The following GALT variants were observed in gnomAD, a reference collection of about 807,000 sequenced individuals.
GALT encodes the protein UDP-glucose--hexose-1-phosphate uridylyltransferase.
A neutral mutation model predicts 55.4 loss-of-function variants in GALT; 42 were observed. The observed-to-expected ratio is 0.76, with a 90% CI of 0.59 to 0.98. The LOEUF (loss-of-function observed/expected upper bound fraction) is 0.98. Among genes scored for constraint, GALT ranks in the 50% least tolerant of loss-of-function variants. GALT has a pLI of 0.00. For missense variants in GALT, 407 were observed against 495.7 expected, an observed-to-expected ratio of 0.82 and a Z score of 1.70; for synonymous variants, 154 against 181.5, an observed-to-expected ratio of 0.85 and a Z score of 1.22.
intron 10 of GALT, chr9:34,649,950 C>A: frequency 3.7e-6 from 1 of 272,606 alleles, no homozygotes; most frequent in Non-Finnish European, 7.0e-6. Flanking sequence ...TATTTCAAAC[C>A]ACAATATCCA....
chr9:34,648,750 C>T lies in GALT; in HGVS notation c.688-12C>T, dbSNP rs1223980780. 1.2e-6 allele frequency: 2 copies of T among 1,612,680 alleles called. No individual in the cohort carries two copies. The highest frequency in any genetic ancestry group is 1.7e-5 in the Admixed American group (1 of 60,002). On this transcript the variant is annotated splice_polypyrimidine_tract_variant and intron_variant, in intron 7 of 10. Transcript: ENST00000378842. The surrounding 1 kb of genome is among the most constrained non-coding windows in gnomAD (Gnocchi z 4.9). The stretch of plus-strand genomic sequence containing the variant: ...TCACCTTGATGACTTCCTATCCATT[C>T]TGTCTTCCTAGGAACGTCTGGTCCT...
At chr9:34,649,364 C>T (rs760523177) in intron 9 of GALT, 46 bp from the exon 10 acceptor site, 1 of 1,613,052 alleles carries the variant, frequency 6.2e-7, no homozygotes, top group Non-Finnish European at 8.5e-7. Context: ...ACCTGGATAA[C>T]TGTAAAAGGG....
chr9:34,647,600 G>A lies in GALT; in HGVS notation c.328+33G>A, dbSNP rs767197888. 1.2e-6 allele frequency: 2 copies of A among 1,613,968 alleles called. No homozygotes were observed. Among genetic ancestry groups the A allele is most frequent in the South Asian group, 1.1e-5 (1 of 91,066 alleles). On this transcript the variant is annotated intron_variant, in intron 3 of 10. Coordinates refer to ENST00000378842, the MANE Select transcript of GALT (RefSeq NM_000155.4). This position sits in a 1 kb window ranked among gnomAD's most constrained non-coding sequence, Gnocchi z 5.6. ...GGCTCCAACTGCTGCTGGGGAGGAGGGTGGCTAGACCTCTTGAGGGACTTC... is the reference window on the plus strand; with the variant it reads ...GGCTCCAACTGCTGCTGGGGAGGAGAGTGGCTAGACCTCTTGAGGGACTTC...
At position 34,647,859 on chromosome 9, in the gene GALT, G is replaced by C. The variant is rs141232328; in HGVS notation, c.405G>C (p.Ser135=). Residue 135 remains serine, a synonymous_variant, in exon 5 of 11, where the codon TCG becomes TCC. Transcript: ENST00000378842. This position sits in a 1 kb window ranked among gnomAD's most constrained non-coding sequence, Gnocchi z 5.6. ...AGGTCATGTGCTTCCACCCCTGGTCGGATGTAACGCTGCCACTCATGTCGG... is the reference window on the plus strand; with the variant it reads ...AGGTCATGTGCTTCCACCCCTGGTCCGATGTAACGCTGCCACTCATGTCGG... ...VCKVMCFHPW[S]DVTLPLMSVP... is the part of the protein sequence containing the mutation. 2 of 1,614,058 alleles carry C rather than the reference G, an allele frequency of 1.2e-6. No homozygotes were observed. Among genetic ancestry groups the C allele is most frequent in the Admixed American group, 3.3e-5 (2 of 60,002 alleles).
chr9:34,647,218 T>TC lies in GALT; in HGVS notation c.213dup (p.Asn72GlnfsTer20). 6.2e-7 allele frequency: 1 copy of TC among 1,614,146 alleles called. No individual in the cohort carries two copies. The highest frequency in any genetic ancestry group is 1.3e-5 in the African/African-American group (1 of 75,052). On this transcript the variant is annotated frameshift_variant, in exon 2 of 11. Transcript: ENST00000378842. LOFTEE classifies it high-confidence loss of function. The surrounding 1 kb of genome is among the most constrained non-coding windows in gnomAD (Gnocchi z 5.6). ...AAGACAGTGCCCCGCCATGACCCTC[T>TC]CAACCCTCTGTGTCCTGGGGCCATC... is the stretch of plus-strand genomic sequence containing the variant.
intron 10 of GALT, 52 bp downstream of exon 10, chr9:34,649,616 C>T: frequency 1.9e-6 from 3 of 1,595,386 alleles, no homozygotes; most frequent in Non-Finnish European, 2.6e-6. Context: ...GCAGTATGTG[C>T]AGGCACCTGA....
rs777929860 is a variant in GALT, at chr9:34,648,748, TTC to T, written c.688-12_688-11del. On this transcript the variant is annotated splice_polypyrimidine_tract_variant and intron_variant, in intron 7 of 10. Coordinates refer to ENST00000378842, the MANE Select transcript of GALT (RefSeq NM_000155.4). This position sits in a 1 kb window ranked among gnomAD's most constrained non-coding sequence, Gnocchi z 4.9. The stretch of plus-strand genomic sequence containing the variant: ...TGTCACCTTGATGACTTCCTATCCA[TTC>T]TGTCTTCCTAGGAACGTCTGGTCCT... 51 of 1,612,710 alleles carry T rather than the reference TTC, an allele frequency of 3.2e-5. 1 individual carries two copies. The South Asian group carries it at 4.8e-4, about 15-fold the overall frequency.
In GALT at chr9:34,648,860, G is replaced by T; in HGVS notation, c.786G>T (p.Arg262=). 1 of 1,613,214 alleles carries T rather than the reference G, an allele frequency of 6.2e-7. No individual in the cohort carries two copies. Among genetic ancestry groups the T allele is most frequent in the Non-Finnish European group, 8.5e-7 (1 of 1,180,022 alleles). ...TGCTGCTGCCCCGTCGGCATGTGCG[G>T]CGGCTACCTGAGCTGACCCCTGCTG... The part of the protein sequence containing the change: ...QTLLLPRRHV[R]RLPELTPAER... The change falls in exon 8 of 11, where the codon CGG becomes CGT. Residue 262 remains arginine, a synonymous_variant. Transcript: ENST00000378842. The surrounding 1 kb of genome is among the most constrained non-coding windows in gnomAD (Gnocchi z 4.9).
At position 34,647,071 on chromosome 9, in the gene GALT, T is replaced by C; in HGVS notation, c.83-18T>C. 1 of 1,614,094 alleles carries C rather than the reference T, an allele frequency of 6.2e-7. No homozygotes were observed. The highest frequency in any genetic ancestry group is 8.5e-7 in the Non-Finnish European group (1 of 1,180,028). On this transcript the variant is annotated intron_variant, in intron 1 of 10. Coordinates refer to ENST00000378842, the MANE Select transcript of GALT (RefSeq NM_000155.4). This position sits in a 1 kb window ranked among gnomAD's most constrained non-coding sequence, Gnocchi z 5.6. ...AGCTAGAGAGCTCTGAGGACTGATC[T>C]TGACTGTCTGCCCCCAGACCATCAG...
Position 34,647,672 on chromosome 9 carries a change from C to T in GALT, c.344C>T (p.Pro115Leu). 1 of 1,614,126 alleles carries T rather than the reference C, an allele frequency of 6.2e-7. No individual in the cohort carries two copies. Among genetic ancestry groups the T allele is most frequent in the Non-Finnish European group, 8.5e-7 (1 of 1,180,000 alleles). The change falls in exon 4 of 11, where the codon CCC becomes CTC. Residue 115 changes from proline to leucine, a missense_variant. Physicochemically the swap from Pro to Leu is moderately conservative, Grantham distance 98. Coordinates refer to ENST00000378842, the MANE Select transcript of GALT (RefSeq NM_000155.4). This position sits in a 1 kb window ranked among gnomAD's most constrained non-coding sequence, Gnocchi z 5.6. ...TTTACCTCAGGACCCAGTGATCATC[C>T]CCTTTTCCAAGCAAAGTCTGCTCGA... Reference protein sequence around the residue: ...DAPSPGPSDHPLFQAKSARGV... With the variant: ...DAPSPGPSDHLLFQAKSARGV...
Position 34,648,195 on chromosome 9 carries a change from G to C in GALT, c.564+24G>C. ...AGGTAAGGGTGTCAGGGGCTCCAGT[G>C]GGTTTCTTGGCTGAGTCTGAGCCAG... On this transcript the variant is annotated intron_variant, in intron 6 of 10. Transcript: ENST00000378842. This position sits in a 1 kb window ranked among gnomAD's most constrained non-coding sequence, Gnocchi z 4.9. 1 of 1,614,026 alleles carries C rather than the reference G, an allele frequency of 6.2e-7. No individual in the cohort carries two copies. The highest frequency in any genetic ancestry group is 8.5e-7 in the Non-Finnish European group (1 of 1,180,028).
chr9:34,648,544 G>T lies in GALT; in HGVS notation c.687+88G>T. The T allele has an allele frequency of 6.3e-7, 1 of 1,598,944 alleles. No individual in the cohort carries two copies. The highest frequency in any genetic ancestry group is 1.3e-5 in the African/African-American group (1 of 74,706). Reference sequence around the variant, plus strand: ...GTGTGTAAAGGAGAAAGCTAGAGGTGAACTAGTAGAGAGAGACTTGCTAGG... The same window carrying T: ...GTGTGTAAAGGAGAAAGCTAGAGGTTAACTAGTAGAGAGAGACTTGCTAGG... On this transcript the variant is annotated intron_variant, in intron 7 of 10. Transcript: ENST00000378842. The surrounding 1 kb of genome is among the most constrained non-coding windows in gnomAD (Gnocchi z 4.9).
At position 34,648,863 on chromosome 9, in the gene GALT, G is replaced by C; in HGVS notation, c.789G>C (p.Arg263=). 4.3e-6 allele frequency: 7 copies of C among 1,613,090 alleles called. No individual in the cohort carries two copies. The highest frequency in any genetic ancestry group is 5.9e-6 in the Non-Finnish European group (7 of 1,180,012). ...TGCTGCCCCGTCGGCATGTGCGGCG[G>C]CTACCTGAGCTGACCCCTGCTGAGC... ...TLLLPRRHVR[R]LPELTPAERD... Residue 263 remains arginine, a synonymous_variant, in exon 8 of 11, where the codon CGG becomes CGC. Coordinates refer to ENST00000378842, the MANE Select transcript of GALT (RefSeq NM_000155.4). This position sits in a 1 kb window ranked among gnomAD's most constrained non-coding sequence, Gnocchi z 4.9.
chr9:34,648,818 A>T lies in GALT; in HGVS notation c.744A>T (p.Thr248=). ...HWLVLVPFWA[T]WPYQTLLLPR... is the part of the protein sequence containing the mutation. ...TAGTACTGGTCCCCTTCTGGGCAAC[A>T]TGGCCCTACCAGACACTGCTGCTGC... is the stretch of plus-strand genomic sequence containing the variant. Residue 248 remains threonine, a synonymous_variant, in exon 8 of 11, where the codon ACA becomes ACT. Coordinates refer to ENST00000378842, the MANE Select transcript of GALT (RefSeq NM_000155.4). The surrounding 1 kb of genome is among the most constrained non-coding windows in gnomAD (Gnocchi z 4.9). 6.2e-7 allele frequency: 1 copy of T among 1,613,388 alleles called. No homozygotes were observed.
In GALT at chr9:34,648,429, G is replaced by T; in HGVS notation, c.660G>T (p.Glu220Asp). ...AGCATGGAGAGCCCCTGCTAATGGAGTACAGCCGCCAGGAGCTACTCAGGA... is the reference window on the plus strand; with the variant it reads ...AGCATGGAGAGCCCCTGCTAATGGATTACAGCCGCCAGGAGCTACTCAGGA... ...KSQHGEPLLM[E>D]YSRQELLRKE... is the part of the protein sequence containing the mutation. Residue 220 changes from glutamate (E) to aspartate (D), a missense_variant, in exon 7 of 11, where the codon GAG becomes GAT. Physicochemically the swap from Glu to Asp is conservative, Grantham distance 45 (BLOSUM62 2). Transcript: ENST00000378842. This position sits in a 1 kb window ranked among gnomAD's most constrained non-coding sequence, Gnocchi z 4.9. 6.2e-7 allele frequency: 1 copy of T among 1,614,180 alleles called. No homozygotes were observed. Among genetic ancestry groups the T allele is most frequent in the East Asian group, 2.2e-5 (1 of 44,872 alleles).
rs747476715 is a variant in GALT at position 34,648,913 on chromosome 9, A to T, written c.820+19A>T. 3 of 1,613,686 alleles carry T rather than the reference A, an allele frequency of 1.9e-6. No homozygotes were observed. The South Asian group carries it at 3.3e-5, about 18-fold the overall frequency. Reference sequence around the variant, plus strand: ...CGTGATGGTCAGTCTCCCAAGTAGGATCCTGGGGCTAGGCACTGGATGGAG... The same window carrying T: ...CGTGATGGTCAGTCTCCCAAGTAGGTTCCTGGGGCTAGGCACTGGATGGAG... On this transcript the variant is annotated intron_variant, in intron 8 of 10. Coordinates refer to ENST00000378842, the MANE Select transcript of GALT (RefSeq NM_000155.4). The surrounding 1 kb of genome is among the most constrained non-coding windows in gnomAD (Gnocchi z 4.9).
Position 34,648,624 on chromosome 9 carries a change from G to A in GALT, c.688-138G>A, listed in dbSNP as rs1821171379. The A allele has an allele frequency of 1.1e-5, 16 of 1,479,750 alleles. No homozygotes were observed. The highest frequency in any genetic ancestry group is 4.6e-5 in the South Asian group (4 of 87,744). The allele number at this position is 1,479,750 out of a possible 1,614,324, so 91.7% of individuals were successfully genotyped here. A position where few individuals can be genotyped will look rare whatever the true frequency, so the allele number is the denominator to read the frequency against. ...GGAAAGATGATGGTGACTTAGACTCGGGTGGTTAGTGGTAGAGGTGGTGAG... is the reference window on the plus strand; with the variant it reads ...GGAAAGATGATGGTGACTTAGACTCAGGTGGTTAGTGGTAGAGGTGGTGAG... On this transcript the variant is annotated intron_variant, in intron 7 of 10. Transcript: ENST00000378842. This position sits in a 1 kb window ranked among gnomAD's most constrained non-coding sequence, Gnocchi z 4.9.
chr9:34,648,606 T>A lies in GALT; in HGVS notation c.687+150T>A. ...ATAATCCAGTAATCTAAAGGAAAGATGATGGTGACTTAGACTCGGGTGGTT... is the reference window on the plus strand; with the variant it reads ...ATAATCCAGTAATCTAAAGGAAAGAAGATGGTGACTTAGACTCGGGTGGTT... On this transcript the variant is annotated intron_variant, in intron 7 of 10. Coordinates refer to ENST00000378842, the MANE Select transcript of GALT (RefSeq NM_000155.4). This position sits in a 1 kb window ranked among gnomAD's most constrained non-coding sequence, Gnocchi z 4.9. 6.0e-6 allele frequency: 9 copies of A among 1,494,744 alleles called. No individual in the cohort carries two copies. Among genetic ancestry groups the A allele is most frequent in the Non-Finnish European group, 8.3e-6 (9 of 1,078,398 alleles). 92.6% of individuals were successfully genotyped at this position (1,494,744 alleles called of 1,614,324 possible).
At chr9:34,649,376 T>C (rs754653590) in intron 9 of GALT, 34 bp from the exon 10 acceptor site, 28 of 1,613,648 alleles carry the variant, frequency 1.7e-5, no homozygotes. Context: ...GTAAAAGGGC[T>C]CTCTCTCCCC....
Sources: allele counts gnomAD v4.1 joint callset, GRCh38; gene constraint gnomAD v4.1.1; non-coding constraint Gnocchi (gnomAD v3.1); transcripts MANE v1.5; gene names NCBI Gene and HGNC (gene_info 2026-07-23, HGNC 2026-07-21).